The following SHC4 variants were observed in gnomAD, a reference collection of about 807,000 sequenced individuals.
The protein encoded by SHC4 is SHC-transforming protein 4.
Under a neutral mutation model 69.4 loss-of-function variants are expected in SHC4, and 41 were observed. The observed-to-expected ratio is 0.59, with a 90% confidence interval of 0.46 to 0.77. The LOEUF is 0.77. SHC4 is among the 30% of genes least tolerant of loss of function. SHC4 has a pLI of 0.00. For synonymous variants in SHC4, 318 were observed against 299.3 expected (o/e 1.06, Z -0.64); for missense variants, 777 against 783.8 (o/e 0.99, Z 0.10).
chr15:48,845,132 C>T (rs559075984), intron 9 of SHC4, among the ~76,000 whole-genome samples: 1 of 152,316 alleles, frequency 6.6e-6, no homozygotes, highest in East Asian at 1.9e-4. Context: ...CAATGTAAGA[C>T]AACATTAGTC....
intron 1 of SHC4, among the ~76,000 whole-genome samples, chr15:48,936,110 C>T (rs1243894377): frequency 6.6e-6 from 1 of 152,002 alleles, no homozygotes; most frequent in South Asian, 2.1e-4. Flanking sequence ...ACACCTAGAA[C>T]ATAGTAGACC....
chr15:48,827,556 C>CCTCCATTCTGT (rs918359535), intron 11 of SHC4, among the ~76,000 whole-genome samples: 4 of 151,966 alleles, frequency 2.6e-5, no homozygotes, highest in Non-Finnish European at 5.9e-5. Flanking sequence ...ATTTCTTCTG[C>CCTCCATTCTGT]CTCAGGCTGT....
chr15:48,872,641 T>C (rs903862365), intron 4 of SHC4, among the ~76,000 whole-genome samples: 1 of 152,242 alleles, frequency 6.6e-6, no homozygotes, highest in Non-Finnish European at 1.5e-5. Context: ...TTAACCAATA[T>C]ATTTCACCCT....
rs1899022046 is a variant in SHC4 at position 48,843,007 on chromosome 15, G to A, written c.1483+402C>T. 3.9e-5 allele frequency among the ~76,000 whole-genome samples: 6 copies of A among 152,058 alleles called. No homozygotes were observed. The South Asian group carries it at 1.0e-3, about 26-fold the overall frequency. On this transcript the variant is annotated intron_variant, in intron 10 of 11. Transcript: ENST00000332408. Reference sequence around the variant, plus strand: ...TGAACATGACCTAATTTGGCAAAAGGGTCTTTACAGATGTAATTAAATTAA... The same window carrying A: ...TGAACATGACCTAATTTGGCAAAAGAGTCTTTACAGATGTAATTAAATTAA...
intron 6 of SHC4, among the ~76,000 whole-genome samples, chr15:48,864,729 G>A (rs567278453): frequency 4.6e-5 from 7 of 152,086 alleles, no homozygotes; most frequent in Admixed American, 6.5e-5. Context: ...TTACAGGCGT[G>A]AGCCACCGCG....
chr15:48,840,626 G>T (rs1315973281), intron 10 of SHC4, among the ~76,000 whole-genome samples: 3 of 152,134 alleles, frequency 2.0e-5, no homozygotes, highest in Non-Finnish European at 4.4e-5. Flanking sequence ...TTATTAAAAA[G>T]TATGTATAAA....
intron 11 of SHC4, among the ~76,000 whole-genome samples, chr15:48,833,306 T>C (rs1269934018): frequency 6.6e-6 from 1 of 152,214 alleles, no homozygotes; most frequent in Admixed American, 6.5e-5. Flanking sequence ...TTTCAGGAAC[T>C]TGTAATCTCT....
intron 1 of SHC4, among the ~76,000 whole-genome samples, chr15:48,954,875 T>C (rs1412538228): frequency 6.6e-6 from 1 of 152,230 alleles, no homozygotes. Flanking sequence ...TTTGTTATTT[T>C]ATCCTGTCCC....
At position 48,919,307 on chromosome 15, in the gene SHC4, T is replaced by TTTTTTTTTC. The variant is rs1900695573; in HGVS notation, c.656+5571_656+5572insGAAAAAAAA. ...AAAATTTATTTTAATTTTTTTTTTTTTTTTTTTTGTAGAGATGGGGTCTTG... is the reference window on the plus strand; with the variant it reads ...AAAATTTATTTTAATTTTTTTTTTTTTTTTTTTTCTTTTTTTTGTAGAGATGGGGTCTTG... On this transcript the variant is annotated intron_variant, in intron 2 of 11. Transcript: ENST00000332408. Among the ~76,000 whole-genome samples the TTTTTTTTTC allele has an allele frequency of 2.4e-5, 3 of 127,438 alleles. 1 individual carries two copies. Among genetic ancestry groups the TTTTTTTTTC allele is most frequent in the Non-Finnish European group, 5.1e-5 (3 of 58,584 alleles). The allele number at this position is 127,438 out of a possible 152,430, so 83.6% of individuals were successfully genotyped here.
intron 3 of SHC4, among the ~76,000 whole-genome samples, chr15:48,885,601 A>G (rs910643353): frequency 4.6e-5 from 7 of 152,228 alleles, no homozygotes; most frequent in African/African-American, 1.7e-4. Flanking sequence ...CAATACTTTA[A>G]GGCAATCAAT....
At chr15:48,836,686 A>G (rs1898904598) in intron 10 of SHC4, among the ~76,000 whole-genome samples, 1 of 152,174 alleles carries the variant, frequency 6.6e-6, no homozygotes, top group South Asian at 2.1e-4. Flanking sequence ...ATGAGTTTGT[A>G]TGACTACAAT....
intron 2 of SHC4, among the ~76,000 whole-genome samples, chr15:48,894,213 T>A (rs367990444): frequency 3.3e-5 from 5 of 152,180 alleles, no homozygotes; most frequent in Admixed American, 6.5e-5. Context: ...ACAAAATTAA[T>A]CCTGTGTCAA....
intron 1 of SHC4, among the ~76,000 whole-genome samples, chr15:48,945,166 C>CA (rs1450489374): frequency 1.3e-5 from 2 of 152,012 alleles, no homozygotes; most frequent in Non-Finnish European, 2.9e-5. Flanking sequence ...CTCTGAAAAG[C>CA]AAAAAGTCAT....
chr15:48,916,692 C>G (rs991501331), intron 2 of SHC4, among the ~76,000 whole-genome samples: 1 of 152,154 alleles, frequency 6.6e-6, no homozygotes, highest in Non-Finnish European at 1.5e-5. Context: ...GGAGCACTCA[C>G]CACCCATTCT....
intron 5 of SHC4, among the ~76,000 whole-genome samples, chr15:48,871,744 G>A (rs1246007569): frequency 6.6e-6 from 1 of 152,136 alleles, no homozygotes; most frequent in Non-Finnish European, 1.5e-5. Context: ...TTCTAAGGAA[G>A]GATTGAGCAA....
chr15:48,924,996 A>T, intron 1 of SHC4, 47 bp from the exon 2 acceptor site: 1 of 1,603,360 alleles, frequency 6.2e-7, no homozygotes, highest in Non-Finnish European at 8.5e-7. Context: ...AAATTCCAAG[A>T]AGCTGTCTCT....
At chr15:48,913,743 C>T (rs1206515579) in intron 2 of SHC4, among the ~76,000 whole-genome samples, 1 of 152,138 alleles carries the variant, frequency 6.6e-6, no homozygotes, top group Admixed American at 6.5e-5. Context: ...CAGGAATGAC[C>T]TGCTAGGGGG....
At chr15:48,867,743 G>T in intron 6 of SHC4, 75 bp downstream of exon 6, 1 of 1,249,396 alleles carries the variant, frequency 8.0e-7, no homozygotes, top group Non-Finnish European at 1.2e-6. Context: ...TCTGTACATT[G>T]AAAATAACTG....
intron 2 of SHC4, among the ~76,000 whole-genome samples, chr15:48,918,810 A>G (rs1439155118): frequency 6.6e-6 from 1 of 152,242 alleles, no homozygotes; most frequent in Non-Finnish European, 1.5e-5. Context: ...TTTTCTGTTC[A>G]GCAAATTTTG....
Sources: gnomAD v4.1 joint callset for allele counts (sites outside exome capture counted in the v4.1 genomes callset) on GRCh38, gnomAD v4.1.1 for gene constraint, MANE v1.5 for transcripts, NCBI Gene and HGNC (gene_info 2026-07-23, HGNC 2026-07-21) for gene names.